The following SLC39A12 variants were observed in gnomAD, a reference collection of about 807,000 sequenced individuals.
The protein encoded by SLC39A12 is solute carrier family 39 member 12.
A neutral mutation model predicts 71.1 loss-of-function variants in SLC39A12; 63 were observed. The observed-to-expected ratio is 0.89, with a 90% CI of 0.72 to 1.09. The LOEUF is 1.09. Ranked by LOEUF, SLC39A12 falls within the 50% of genes least tolerant of loss-of-function variation. The pLI is 0.00. For missense variants in SLC39A12, 892 were observed against 812.6 expected (o/e 1.10, Z -1.19); for synonymous variants, 351 against 301.3 (o/e 1.16, Z -1.71).
chr10:18,037,261 G>T (rs926952689), intron 12 of SLC39A12, among the ~76,000 whole-genome samples: 3 of 152,124 alleles, frequency 2.0e-5, no homozygotes, highest in Non-Finnish European at 2.9e-5. Flanking sequence ...ATTGCATCAT[G>T]TATTTTATCA....
chr10:17,985,882 A>G (rs1395775226), intron 6 of SLC39A12, among the ~76,000 whole-genome samples: 1 of 152,208 alleles, frequency 6.6e-6, no homozygotes, highest in Admixed American at 6.5e-5. Context: ...TCTAAGGATT[A>G]TAAAAGTCAT....
intron 7 of SLC39A12, among the ~76,000 whole-genome samples, chr10:17,988,280 C>G (rs567608549): frequency 3.4e-4 from 52 of 152,306 alleles, no homozygotes; most frequent in Non-Finnish European, 6.8e-4. Context: ...TGCACTCCAG[C>G]ATGGGTGACA....
At chr10:17,989,641 G>A (rs111923463) in intron 7 of SLC39A12, among the ~76,000 whole-genome samples, 5 of 152,096 alleles carry the variant, frequency 3.3e-5, no homozygotes, top group Non-Finnish European at 7.4e-5. Context: ...GACAAGAGCC[G>A]GGTGCAGTGG....
chr10:18,025,969 T>A lies in SLC39A12; in HGVS notation c.1948-16736T>A, dbSNP rs142854941. On this transcript the variant is annotated intron_variant, in intron 12 of 12. Transcript: ENST00000377369. ...TCACAAGTAGTGCCAATACCTTGTA[T>A]AAAATATTTCTAATTCTTCCCTCCT... is the stretch of plus-strand genomic sequence containing the variant. Among the ~76,000 whole-genome samples the A allele has an allele frequency of 9.8e-3, 1,492 of 152,344 alleles. 20 individuals carry two copies. Among genetic ancestry groups the A allele is most frequent in the Middle Eastern group, 0.014 (4 of 292 alleles).
At chr10:18,008,441 A>T (rs1047505144) in intron 12 of SLC39A12, 1 of 152,180 alleles carries the variant, frequency 6.6e-6, no homozygotes, top group Non-Finnish European at 1.5e-5. Flanking sequence ...ATTCAATATT[A>T]TGGTGAGTTG....
At chr10:17,967,899 AT>A (rs35329071) in intron 4 of SLC39A12, among the ~76,000 whole-genome samples, 25,999 of 100,788 alleles carry the variant, frequency 0.26, 2,426 homozygotes, top group East Asian at 0.35. Context: ...AAAAAAAAAA[AT>A]ATATATATAT....
chr10:17,954,703 G>A (rs559902815), intron 2 of SLC39A12, among the ~76,000 whole-genome samples: 4 of 152,134 alleles, frequency 2.6e-5, no homozygotes, highest in South Asian at 4.2e-4. Context: ...CCTGACCCAC[G>A]AGATTTTTTA....
At chr10:17,963,537 A>G (rs1359561010) in intron 3 of SLC39A12, among the ~76,000 whole-genome samples, 1 of 152,226 alleles carries the variant, frequency 6.6e-6, no homozygotes, top group Non-Finnish European at 1.5e-5. Flanking sequence ...ACACCTGCTG[A>G]GTCATAACCC....
intron 10 of SLC39A12, among the ~76,000 whole-genome samples, chr10:17,999,977 A>G (rs1015281846): frequency 6.6e-6 from 1 of 152,204 alleles, no homozygotes; most frequent in Non-Finnish European, 1.5e-5. Context: ...ATGACATTCC[A>G]CTGGGAAGTT....
Position 17,977,949 on chromosome 10 carries a change from A to C in SLC39A12, c.799A>C (p.Lys267Gln). ...TCTCTGGACCAGAAGTACTTGTATC[A>C]AAAATGAGAAAATCCATCAATTTCA... ...NTLWTRSTCI[K>Q]NEKIHQFQRK... The change falls in exon 5 of 13, where the codon AAA becomes CAA. Residue 267 changes from lysine (K) to glutamine (Q), a missense_variant. Physicochemically the swap from Lys to Gln is moderately conservative, Grantham distance 53 (BLOSUM62 1). Transcript: ENST00000377369. The C allele has an allele frequency of 6.2e-7, 1 of 1,611,722 alleles. No homozygotes were observed. Among genetic ancestry groups the C allele is most frequent in the Non-Finnish European group, 8.5e-7 (1 of 1,179,142 alleles).
intron 4 of SLC39A12, among the ~76,000 whole-genome samples, chr10:17,976,442 A>T (rs934674470): frequency 6.6e-6 from 1 of 152,062 alleles, no homozygotes. Context: ...GTTGGTACAG[A>T]TTCTCACTCT....
chr10:18,039,461 C>T (rs879870583), intron 12 of SLC39A12, among the ~76,000 whole-genome samples: 1 of 152,248 alleles, frequency 6.6e-6, no homozygotes, highest in East Asian at 1.9e-4. Context: ...AGTATGGTGG[C>T]TTATGCCTGT....
At chr10:18,005,016 C>T (rs1835970979) in intron 12 of SLC39A12, among the ~76,000 whole-genome samples, 2 of 142,008 alleles carry the variant, frequency 1.4e-5, no homozygotes, top group South Asian at 4.6e-4. Flanking sequence ...TAAGTGGGAG[C>T]TGAGCGATAA....
At chr10:17,995,862 A>G in intron 10 of SLC39A12, 140 bp downstream of exon 10, 1 of 619,322 alleles carries the variant, frequency 1.6e-6, no homozygotes, top group Non-Finnish European at 2.7e-6. Flanking sequence ...TAGGATTTGT[A>G]ATAAAAACTA....
intron 12 of SLC39A12, among the ~76,000 whole-genome samples, chr10:18,038,761 T>G (rs1837136144): frequency 6.6e-6 from 1 of 152,228 alleles, no homozygotes; most frequent in Non-Finnish European, 1.5e-5. Flanking sequence ...AAGATATTAA[T>G]TCTAGCTCTG....
chr10:18,033,034 C>T (rs931396294), intron 12 of SLC39A12, among the ~76,000 whole-genome samples: 2 of 151,662 alleles, frequency 1.3e-5, no homozygotes, highest in African/African-American at 2.4e-5. Flanking sequence ...TTTGGATGTG[C>T]TGCCGGATTC....
intron 6 of SLC39A12, 28 bp downstream of exon 6, chr10:17,981,511 C>G: frequency 3.2e-6 from 5 of 1,573,068 alleles, no homozygotes; most frequent in Non-Finnish European, 4.3e-6. Context: ...CTTCAGAAAG[C>G]TGATGTGCAC....
At chr10:18,010,042 A>ACTAGAATC (rs1278310095) in intron 12 of SLC39A12, among the ~76,000 whole-genome samples, 2 of 152,122 alleles carry the variant, frequency 1.3e-5, no homozygotes, top group Non-Finnish European at 2.9e-5. Context: ...ATTAAACTAA[A>ACTAGAATC]CTAGAATCCT....
At chr10:17,955,928 A>G (rs1339366577) in intron 2 of SLC39A12, among the ~76,000 whole-genome samples, 2 of 152,172 alleles carry the variant, frequency 1.3e-5, no homozygotes, top group Non-Finnish European at 2.9e-5. Flanking sequence ...TATGAGAACC[A>G]TAACCCTACA....
Sources: allele counts gnomAD v4.1 joint callset (sites outside exome capture counted in the v4.1 genomes callset), GRCh38; gene constraint gnomAD v4.1.1; transcripts MANE v1.5; gene names NCBI Gene and HGNC (gene_info 2026-07-23, HGNC 2026-07-21).